The following ESRRG variants were observed in gnomAD, a reference collection of about 807,000 sequenced individuals.
The protein encoded by ESRRG is estrogen-related receptor gamma.
ESRRG carries 13 observed loss-of-function variants against 44.0 expected under a neutral mutation model. The observed-to-expected ratio is 0.30, with a 90% CI of 0.19 to 0.47. The LOEUF (loss-of-function observed/expected upper bound fraction) is 0.47. Among genes scored for constraint, ESRRG ranks in the 20% least tolerant of loss-of-function variants. ESRRG has a pLI of 1.00. For missense variants in ESRRG, 395 were observed against 580.6 expected, an observed-to-expected ratio of 0.68 and a Z score of 3.29; for synonymous variants, 215 against 214.6, an observed-to-expected ratio of 1.00 and a Z score of -0.02.
At chr1:216,574,898 T>C (rs1558587965) in intron 3 of ESRRG, among the ~76,000 whole-genome samples, 1 of 152,144 alleles carries the variant, frequency 6.6e-6, no homozygotes, top group African/African-American at 2.4e-5. Flanking sequence ...GTAGTTCACT[T>C]TGCTGCCTAA....
At chr1:216,599,803 TGGA>T (rs2058949169) in intron 3 of ESRRG, among the ~76,000 whole-genome samples, 1 of 149,832 alleles carries the variant, frequency 6.7e-6, no homozygotes, top group South Asian at 2.1e-4. Flanking sequence ...CTGGAGTTCA[TGGA>T]GGAGGAGAAT....
At chr1:216,633,899 A>G (rs1454514274) in intron 3 of ESRRG, among the ~76,000 whole-genome samples, 1 of 152,238 alleles carries the variant, frequency 6.6e-6, no homozygotes, top group Non-Finnish European at 1.5e-5. Flanking sequence ...TCTTCAAAAT[A>G]GTTTTCCAGA....
intron 2 of ESRRG, among the ~76,000 whole-genome samples, chr1:216,836,093 C>CAAA (rs34241468): frequency 9.2e-5 from 9 of 97,770 alleles, no homozygotes; most frequent in African/African-American, 2.4e-4. Flanking sequence ...GCTGCGATTT[C>CAAA]AAAAAAAAAA....
At chr1:216,912,233 G>A (rs1170879441) in intron 2 of ESRRG, among the ~76,000 whole-genome samples, 2 of 61,198 alleles carry the variant, frequency 3.3e-5, no homozygotes, top group East Asian at 4.0e-4. Context: ...GAGGAGAGGA[G>A]AGGAGAGGAG....
Position 216,953,956 on chromosome 1 carries a change from TA to T in ESRRG, c.-105-14284del, listed in dbSNP as rs538725355. Among the ~76,000 whole-genome samples the T allele has an allele frequency of 1.1e-4, 16 of 152,108 alleles. No individual in the cohort carries two copies. The East Asian group carries it at 2.7e-3, about 26-fold the overall frequency. ...ATAAGACTAGTAAGAAGGAAAACAT[TA>T]AAAAACCTATGCAAAATCAAAAATG... On this transcript the variant is annotated intron_variant, in intron 1 of 7. Coordinates refer to the ESRRG transcript ENST00000359162.
intron 1 of ESRRG, among the ~76,000 whole-genome samples, chr1:216,719,531 C>G (rs1174869844): frequency 2.0e-5 from 3 of 151,916 alleles, no homozygotes; most frequent in Non-Finnish European, 2.9e-5. Context: ...TCTTTTTTCA[C>G]TTTAAAAAGA....
At chr1:216,728,724 A>G (rs1490507201) in intron 2 of ESRRG, among the ~76,000 whole-genome samples, 1 of 152,100 alleles carries the variant, frequency 6.6e-6, no homozygotes, top group African/African-American at 2.4e-5. Flanking sequence ...ATGGATGTTC[A>G]ATACAAATTT....
At chr1:216,605,917 C>A (rs2059877339) in intron 3 of ESRRG, among the ~76,000 whole-genome samples, 2 of 149,930 alleles carry the variant, frequency 1.3e-5, no homozygotes, top group South Asian at 4.2e-4. Flanking sequence ...TGTTGGCTAT[C>A]TTTTTTAACA....
chr1:216,732,787 A>G (rs1281350659), intron 2 of ESRRG, among the ~76,000 whole-genome samples: 1 of 144,350 alleles, frequency 6.9e-6, no homozygotes, highest in Admixed American at 7.0e-5. Context: ...CTGTCTATGA[A>G]TAGCCACTGA....
At chr1:216,706,244 C>G (rs1364634553) in intron 1 of ESRRG, among the ~76,000 whole-genome samples, 3 of 149,682 alleles carry the variant, frequency 2.0e-5, no homozygotes, top group Non-Finnish European at 4.4e-5. Flanking sequence ...TGGGAAAACT[C>G]AGAAAGACTA....
intron 4 of ESRRG, among the ~76,000 whole-genome samples, chr1:216,565,628 C>T (rs1360539955): frequency 6.6e-6 from 1 of 152,122 alleles, no homozygotes; most frequent in African/African-American, 2.4e-5. Context: ...AACATTTAAA[C>T]ATTTATGAAT....
At chr1:216,629,414 C>A (rs1267600959) in intron 3 of ESRRG, among the ~76,000 whole-genome samples, 1 of 151,892 alleles carries the variant, frequency 6.6e-6, no homozygotes, top group East Asian at 1.9e-4. Context: ...AAGACACCAC[C>A]CTGAGAAGCA....
chr1:216,598,016 T>A (rs1435072069), intron 3 of ESRRG, among the ~76,000 whole-genome samples: 1 of 152,162 alleles, frequency 6.6e-6, no homozygotes, highest in Non-Finnish European at 1.5e-5. Flanking sequence ...TTTCAGTGAA[T>A]AATAATAACA....
chr1:216,583,590 C>T lies in ESRRG; in HGVS notation c.590-15492G>A, dbSNP rs149158766. 3.2e-3 allele frequency among the ~76,000 whole-genome samples: 490 copies of T among 152,232 alleles called. 3 individuals carry two copies. Among genetic ancestry groups the T allele is most frequent in the African/African-American group, 0.012 (483 of 41,548 alleles). On this transcript the variant is annotated intron_variant, in intron 3 of 6. Transcript: ENST00000408911. ...CTCTTAGCATTCAGAGTCCCTCTGG[C>T]TGAATAAATGAAAGACTGTGAAATT... is the stretch of plus-strand genomic sequence containing the variant.
chr1:216,756,094 T>C (rs907412173), intron 2 of ESRRG, among the ~76,000 whole-genome samples: 3 of 152,070 alleles, frequency 2.0e-5, no homozygotes, highest in African/African-American at 7.2e-5. Context: ...GAAGCCTGTG[T>C]ACTTTAATTT....
chr1:216,585,932 C>T (rs967234336), intron 3 of ESRRG, among the ~76,000 whole-genome samples: 14 of 151,880 alleles, frequency 9.2e-5, no homozygotes, highest in African/African-American at 3.4e-4. Flanking sequence ...CTCAGCTACT[C>T]GGGAGGCTGA....
At chr1:216,737,789 A>C (rs1183253340) in intron 2 of ESRRG, among the ~76,000 whole-genome samples, 2 of 147,868 alleles carry the variant, frequency 1.4e-5, no homozygotes, top group African/African-American at 5.0e-5. Flanking sequence ...AAAAAAAAAA[A>C]CAATAAACTT....
intron 2 of ESRRG, among the ~76,000 whole-genome samples, chr1:216,738,971 C>G (rs2090325856): frequency 6.6e-6 from 1 of 152,146 alleles, no homozygotes; most frequent in Admixed American, 6.5e-5. Context: ...CCACCTTAGC[C>G]TCTCAAAGCA....
At chr1:216,888,500 A>C (rs763131578) in intron 2 of ESRRG, among the ~76,000 whole-genome samples, 5 of 152,160 alleles carry the variant, frequency 3.3e-5, no homozygotes, top group Non-Finnish European at 7.3e-5. Context: ...ATAGTGTTAA[A>C]ATCTTTTTTT....
Sources: allele counts gnomAD v4.1 joint callset (sites outside exome capture counted in the v4.1 genomes callset), GRCh38; gene constraint gnomAD v4.1.1; transcripts MANE v1.5; gene names NCBI Gene and HGNC (gene_info 2026-07-23, HGNC 2026-07-21).